The following TMEM87A variants were observed in gnomAD, a reference collection of about 807,000 sequenced individuals.
TMEM87A encodes the protein Golgi-pH regulating cation channel.
Under a neutral mutation model 90.0 loss-of-function variants are expected in TMEM87A, and 50 were observed. The ratio of observed to expected loss-of-function variants is 0.56; its 90% CI spans 0.44 to 0.70. TMEM87A has a LOEUF of 0.70. TMEM87A is among the 30% of genes least tolerant of loss of function. The pLI is 0.00. For synonymous variants in TMEM87A, 226 were observed against 226.7 expected (o/e 1.00, Z 0.03); for missense variants, 577 against 660.5 (o/e 0.87, Z 1.39).
In TMEM87A at chr15:42,267,979, C is replaced by G. The variant is rs544107092; in HGVS notation, c.259G>C (p.Ala87Pro). The change falls in exon 3 of 20, where the codon GCT becomes CCT. Residue 87 changes from alanine to proline, a missense_variant. Physicochemically the swap from Ala to Pro is conservative, Grantham distance 27 (BLOSUM62 -1). Transcript: ENST00000389834. ...SLNITWYLKSADCYNEIYNFK... is the reference protein window; with the variant it reads ...SLNITWYLKSPDCYNEIYNFK... ...TTATAGATTTCATTGTAACAATCAG[C>G]GCTTTTCAGATACCAGGTTATATTC... 1 of 1,613,394 alleles carries G rather than the reference C, an allele frequency of 6.2e-7. No homozygotes were observed. The highest frequency in any genetic ancestry group is 1.7e-5 in the Admixed American group (1 of 59,960).
chr15:42,233,323 G>C lies in TMEM87A; in HGVS notation c.969-17C>G. 1 of 1,597,722 alleles carries C rather than the reference G, an allele frequency of 6.3e-7. No homozygotes were observed. The highest frequency in any genetic ancestry group is 8.6e-7 in the Non-Finnish European group (1 of 1,166,138). ...AGGCGTGGCCTAAAGAGGAAGCAAG[G>C]AGATATTTGAGTACATATGGGACAA... On this transcript the variant is annotated splice_polypyrimidine_tract_variant and intron_variant, in intron 10 of 19. Coordinates refer to ENST00000389834, the MANE Select transcript of TMEM87A (RefSeq NM_015497.5).
At chr15:42,235,141 C>T (rs934255575) in intron 10 of TMEM87A, among the ~76,000 whole-genome samples, 8 of 152,162 alleles carry the variant, frequency 5.3e-5, no homozygotes, top group Non-Finnish European at 1.2e-4. Flanking sequence ...AGGGTTCAAG[C>T]GATTCTCTTG....
At chr15:42,265,170 A>G (rs891218605) in intron 3 of TMEM87A, among the ~76,000 whole-genome samples, 1 of 152,200 alleles carries the variant, frequency 6.6e-6, no homozygotes. Flanking sequence ...CAGTGAACAT[A>G]TATGTGCATA....
intron 3 of TMEM87A, among the ~76,000 whole-genome samples, chr15:42,265,619 T>C (rs140822783): frequency 0.017 from 2,625 of 152,332 alleles, 30 homozygotes; most frequent in Non-Finnish European, 0.026. Flanking sequence ...GTTGGATGCA[T>C]AGTTTGCAAA....
intron 2 of TMEM87A, among the ~76,000 whole-genome samples, chr15:42,270,793 G>T (rs548754051): frequency 1.6e-4 from 24 of 152,242 alleles, no homozygotes; most frequent in African/African-American, 5.8e-4. Flanking sequence ...TCAAATATAA[G>T]TCACTGGTCA....
chr15:42,258,870 C>T (rs2051232526), intron 6 of TMEM87A: 4 of 1,517,564 alleles, frequency 2.6e-6, no homozygotes, highest in South Asian at 1.3e-5. Flanking sequence ...TGAAAATCTA[C>T]TCATCCATAA....
At chr15:42,240,539 A>G (rs1270046421) in intron 7 of TMEM87A, among the ~76,000 whole-genome samples, 3 of 152,244 alleles carry the variant, frequency 2.0e-5, no homozygotes, top group Admixed American at 2.0e-4. Context: ...CAGTAATAAC[A>G]TATATCTGAA....
intron 3 of TMEM87A, 131 bp downstream of exon 3, chr15:42,267,816 G>T: frequency 1.7e-6 from 1 of 584,550 alleles, no homozygotes; most frequent in Non-Finnish European, 2.8e-6. Flanking sequence ...TCTGCAAATT[G>T]GGAAGCATGC....
chr15:42,227,394 T>G (rs1208739240), intron 14 of TMEM87A, among the ~76,000 whole-genome samples: 5 of 152,192 alleles, frequency 3.3e-5, no homozygotes, highest in Non-Finnish European at 5.9e-5. Context: ...CATATGGTAC[T>G]TAATATTTAG....
rs1555409717 is a variant in TMEM87A at position 42,264,699 on chromosome 15, AT to A, written c.292-497del. On this transcript the variant is annotated intron_variant, in intron 3 of 19. Transcript: ENST00000389834. ...TATGTGTGTGTATATATATATATAT[AT>A]TTTTTTTTTAACTTTTATTTTAGGT... Among the ~76,000 whole-genome samples the A allele has an allele frequency of 9.5e-3, 1,035 of 109,432 alleles. 13 individuals are homozygous for A. The highest frequency in any genetic ancestry group is 0.03 in the African/African-American group (985 of 32,516). 71.8% of individuals were successfully genotyped at this position (109,432 alleles called of 152,430 possible).
intron 15 of TMEM87A, among the ~76,000 whole-genome samples, chr15:42,222,815 C>A (rs900212126): frequency 2.0e-5 from 3 of 152,120 alleles, no homozygotes; most frequent in African/African-American, 7.2e-5. Flanking sequence ...CCGCCTCAGC[C>A]TCCCAAAGTG....
rs888246123 is a variant in TMEM87A, at chr15:42,233,436, C to T, written c.969-130G>A. The T allele has an allele frequency of 2.4e-5, 15 of 632,322 alleles. No individual in the cohort carries two copies. The African/African-American group carries it at 2.8e-4, about 12-fold the overall frequency. The allele number at this position is 632,322 out of a possible 1,614,324, so 39.2% of individuals were successfully genotyped here. A position where few individuals can be genotyped will look rare whatever the true frequency, so the allele number is the denominator to read the frequency against. ...AATAAATAATATACACTTGATTCAC[C>T]TAAGAGAAAAAAACTAAGACCTTAT... On this transcript the variant is annotated intron_variant, in intron 10 of 19. Coordinates refer to ENST00000389834, the MANE Select transcript of TMEM87A (RefSeq NM_015497.5).
intron 2 of TMEM87A, 53 bp downstream of exon 2, chr15:42,272,010 A>T: frequency 7.2e-7 from 1 of 1,385,702 alleles, no homozygotes; most frequent in Non-Finnish European, 9.9e-7. Context: ...TTAAAACATT[A>T]CCTATAAATT....
At position 42,220,115 on chromosome 15, in the gene TMEM87A, G is replaced by T; in HGVS notation, c.1424C>A (p.Ser475Tyr). Residue 475 changes from serine to tyrosine, a missense_variant, in exon 16 of 20, where the codon TCT becomes TAT. Physicochemically the swap from Ser to Tyr is moderately radical, Grantham distance 144. Transcript: ENST00000389834. ...NNQRFAFSPL[S>Y]EEEEEDEQKE... ...TTGTTCATCCTCCTCCTCTTCCTCA[G>T]ACAATGGTGAAAAGGCAAACCTAAC... 1.2e-6 allele frequency: 2 copies of T among 1,606,424 alleles called. No individual in the cohort carries two copies. Among genetic ancestry groups the T allele is most frequent in the South Asian group, 2.2e-5 (2 of 88,962 alleles).
intron 6 of TMEM87A, chr15:42,259,035 C>A: frequency 2.7e-6 from 2 of 727,728 alleles, no homozygotes; most frequent in Non-Finnish European, 5.0e-6. Flanking sequence ...TCACCCTATT[C>A]CCATTCCTCT....
At chr15:42,243,289 T>G (rs1245058782) in intron 7 of TMEM87A, among the ~76,000 whole-genome samples, 1 of 79,854 alleles carries the variant, frequency 1.3e-5, no homozygotes, top group Non-Finnish European at 3.1e-5. Context: ...AATAAATAAA[T>G]AAATAAATAA....
intron 1 of TMEM87A, 81 bp downstream of exon 1, chr15:42,273,174 G>A: frequency 1.3e-6 from 2 of 1,561,244 alleles, no homozygotes. Flanking sequence ...GACTTTTGCG[G>A]AACCTTCATG....
intron 6 of TMEM87A, among the ~76,000 whole-genome samples, chr15:42,253,502 G>A (rs1287159933): frequency 1.3e-5 from 2 of 152,112 alleles, no homozygotes; most frequent in East Asian, 3.9e-4. Flanking sequence ...CTAAGTTGGG[G>A]AAAACAAAGT....
chr15:42,254,096 C>T (rs147917304), intron 6 of TMEM87A, among the ~76,000 whole-genome samples: 7 of 150,946 alleles, frequency 4.6e-5, no homozygotes, highest in Non-Finnish European at 1.0e-4. Flanking sequence ...AGCTTGTGAA[C>T]AGAACTGTTT....
Sources: allele counts gnomAD v4.1 joint callset (sites outside exome capture counted in the v4.1 genomes callset), GRCh38; gene constraint gnomAD v4.1.1; transcripts MANE v1.5; gene names NCBI Gene and HGNC (gene_info 2026-07-23, HGNC 2026-07-21).